Variants in ANGPTL7 observed in about 807,000 individuals in gnomAD.
ANGPTL7 encodes the protein angiopoietin like 7.
In ANGPTL7, 37 loss-of-function variants were observed where a neutral mutation model predicts 38.8. The observed-to-expected ratio is 0.95, with a 90% CI of 0.73 to 1.25. The LOEUF is 1.25. Ranked by LOEUF, ANGPTL7 falls within the 50% of genes most tolerant of loss-of-function variation. The pLI is 0.00. For synonymous variants in ANGPTL7, 166 were observed against 163.2 expected, an observed-to-expected ratio of 1.02 and a Z score of -0.13; for missense variants, 427 against 438.6, an observed-to-expected ratio of 0.97 and a Z score of 0.24.
Position 11,189,660 on chromosome 1 carries a change from G to A in ANGPTL7, c.81G>A (p.Gln27=), listed in dbSNP as rs934551451. 4 of 1,614,180 alleles carry A rather than the reference G, an allele frequency of 2.5e-6. No individual in the cohort carries two copies. The highest frequency in any genetic ancestry group is 3.4e-6 in the Non-Finnish European group (4 of 1,180,030). Residue 27 remains glutamine, a synonymous_variant, in exon 1 of 5, where the codon CAG becomes CAA. Coordinates refer to ENST00000376819, the MANE Select transcript of ANGPTL7 (RefSeq NM_021146.4). ...VAFVSHPAWL[Q]KLSKHKTPAQ... ...TTGTCAGCCACCCAGCGTGGCTGCA[G>A]AAGCTCTCTAAGCACAAGACACCAG... is the stretch of plus-strand genomic sequence containing the variant.
rs1249459669 is a variant in ANGPTL7 at position 11,194,601 on chromosome 1, C to T, written c.813C>T (p.Phe271=). The change falls in exon 4 of 5, where the codon TTC becomes TTT. Residue 271 remains phenylalanine, a synonymous_variant. Transcript: ENST00000376819. The part of the protein sequence containing the change: ...DALQYHNNTA[F]STKDKDNDNC... ...TCCAGTATCATAACAACACAGCCTT[C>T]AGCACCAAGGACAAGGACAATGACA... The T allele has an allele frequency of 1.2e-6, 2 of 1,614,232 alleles. No homozygotes were observed. Among genetic ancestry groups the T allele is most frequent in the South Asian group, 2.2e-5 (2 of 91,090 alleles).
In ANGPTL7 at chr1:11,193,683, G is replaced by T. The variant is rs1383838411; in HGVS notation, c.581G>T (p.Gly194Val). The change falls in exon 3 of 5, where the codon GGC becomes GTC. Residue 194 changes from glycine (G) to valine (V), a missense_variant. Gly to Val is a moderately radical substitution (Grantham distance 109). Coordinates refer to ENST00000376819, the MANE Select transcript of ANGPTL7 (RefSeq NM_021146.4). Reference protein sequence around the residue: ...FYRDWKQYKQGFGSIRGDFWL... With the variant: ...FYRDWKQYKQVFGSIRGDFWL... ...CGGGACTGGAAGCAGTACAAGCAGG[G>T]CTTTGGCAGCATCCGTGGGGACTTC... 6.2e-7 allele frequency: 1 copy of T among 1,614,152 alleles called. No individual in the cohort carries two copies. The highest frequency in any genetic ancestry group is 8.5e-7 in the Non-Finnish European group (1 of 1,180,018).
rs951996795 is a variant in ANGPTL7, at chr1:11,194,301, G to T, written c.673-160G>T. The stretch of plus-strand genomic sequence containing the variant: ...TCGAGCCTTGTTTTCTGATTCCCAG[G>T]TTAACACAGTAAACTGGAGGTAAAC... On this transcript the variant is annotated intron_variant, in intron 3 of 4. Transcript: ENST00000376819. 2.3e-4 allele frequency among the ~76,000 whole-genome samples: 35 copies of T among 152,182 alleles called. 1 individual carries two copies. The highest frequency in any genetic ancestry group is 2.0e-3 in the Admixed American group (30 of 15,270).
At chr1:11,194,356 T>C in intron 3 of ANGPTL7, 105 bp from the exon 4 acceptor site, 1 of 1,047,944 alleles carries the variant, frequency 9.5e-7, no homozygotes. Context: ...GATTCACACC[T>C]ATAAAAAGAT....
rs1050943948 is a variant in ANGPTL7, at chr1:11,189,497, G to A, written c.-83G>A. ...AGAGTGAAAGCGTAAGGTTCAGTCA[G>A]CCTGCTGCAGCTTTGCAGACCTCAG... On this transcript the variant is annotated 5_prime_UTR_variant, in exon 1 of 5. Coordinates refer to ENST00000376819, the MANE Select transcript of ANGPTL7 (RefSeq NM_021146.4). 2 of 1,473,074 alleles carry A rather than the reference G, an allele frequency of 1.4e-6. No individual in the cohort carries two copies. Among genetic ancestry groups the A allele is most frequent in the Non-Finnish European group, 1.8e-6 (2 of 1,101,746 alleles). 91.3% of individuals were successfully genotyped at this position (1,473,074 alleles called of 1,614,324 possible).
chr1:11,192,364 A>G lies in ANGPTL7; in HGVS notation c.471A>G (p.Glu157=). ...CTGATGACTTCCTGGGCAGCCCTGA[A>G]CTGGAGGTGAGGTCATTACAGTCAC... ...LPPDDFLGSP[E]LEVFCDMETS... Residue 157 remains glutamate, a synonymous_variant, in exon 2 of 5, where the codon GAA becomes GAG. Transcript: ENST00000376819. The G allele has an allele frequency of 6.2e-7, 1 of 1,611,064 alleles. No individual in the cohort carries two copies. Among genetic ancestry groups the G allele is most frequent in the Non-Finnish European group, 8.5e-7 (1 of 1,177,434 alleles).
At chr1:11,193,903 A>G (rs1029451036) in intron 3 of ANGPTL7, 129 bp downstream of exon 3, 14 of 1,049,120 alleles carry the variant, frequency 1.3e-5, no homozygotes, top group Admixed American at 1.3e-4. Context: ...GTTTTCCTGC[A>G]AGTTGTAATG....
rs1645734042 is a variant in ANGPTL7 at position 11,195,096 on chromosome 1, G to T, written c.*73G>T. On this transcript the variant is annotated 3_prime_UTR_variant, in exon 5 of 5. Transcript: ENST00000376819. ...ACTGGATGAGGGCAGATGAGGACAG[G>T]AAGAGAGTGTTAGAAAGGGTAGGAC... The T allele has an allele frequency of 6.7e-7, 1 of 1,498,062 alleles. No homozygotes were observed. The highest frequency in any genetic ancestry group is 1.2e-5 in the South Asian group (1 of 82,616). The allele number at this position is 1,498,062 out of a possible 1,614,324, so 92.8% of individuals were successfully genotyped here. A position where few individuals can be genotyped will look rare whatever the true frequency, so the allele number is the denominator to read the frequency against.
At position 11,195,589 on chromosome 1, in the gene ANGPTL7, G is replaced by C. The variant is rs532647913; in HGVS notation, c.*566G>C. ...GTTCGGCTGGAACTGACCCAGGCTG[G>C]ACTTGCGGGGAGGAAACTCCAGGGC... On this transcript the variant is annotated 3_prime_UTR_variant, in exon 5 of 5. Coordinates refer to ENST00000376819, the MANE Select transcript of ANGPTL7 (RefSeq NM_021146.4). The C allele has an allele frequency of 9.7e-5, 15 of 154,556 alleles. 1 individual carries two copies. The highest frequency in any genetic ancestry group is 3.6e-4 in the African/African-American group (15 of 41,542). 9.6% of individuals were successfully genotyped at this position (154,556 alleles called of 1,614,324 possible). A position where few individuals can be genotyped will look rare whatever the true frequency, so the allele number is the denominator to read the frequency against.
In ANGPTL7 at chr1:11,195,224, A is replaced by T. The variant is rs887580801; in HGVS notation, c.*201A>T. 1 of 605,876 alleles carries T rather than the reference A, an allele frequency of 1.7e-6. No homozygotes were observed. Among genetic ancestry groups the T allele is most frequent in the Non-Finnish European group, 2.8e-6 (1 of 357,302 alleles). The allele number at this position is 605,876 out of a possible 1,614,324, so 37.5% of individuals were successfully genotyped here. A position where few individuals can be genotyped will look rare whatever the true frequency, so the allele number is the denominator to read the frequency against. On this transcript the variant is annotated 3_prime_UTR_variant, in exon 5 of 5. Coordinates refer to ENST00000376819, the MANE Select transcript of ANGPTL7 (RefSeq NM_021146.4). ...ACAGTAAACAGGATGAACTATTTAAACCCACTGGGTCCTGCCACATCCTTC... is the reference window on the plus strand; with the variant it reads ...ACAGTAAACAGGATGAACTATTTAATCCCACTGGGTCCTGCCACATCCTTC...
At position 11,193,767 on chromosome 1, in the gene ANGPTL7, A is replaced by C; in HGVS notation, c.665A>C (p.Glu222Ala). The C allele has an allele frequency of 6.2e-7, 1 of 1,614,118 alleles. No individual in the cohort carries two copies. The highest frequency in any genetic ancestry group is 1.1e-5 in the South Asian group (1 of 91,078). The change falls in exon 3 of 5, where the codon GAG becomes GCG. Residue 222 changes from glutamate (E) to alanine (A), a missense_variant. Coordinates refer to ENST00000376819, the MANE Select transcript of ANGPTL7 (RefSeq NM_021146.4). The stretch of plus-strand genomic sequence containing the variant: ...AGACAGCCAACCCGGCTGCGTGTAG[A>C]GATGGAGGTAAGCACAAGGCCAGGG... ...LSRQPTRLRV[E>A]MEDWEGNLRY...
rs758209697 is a variant in ANGPTL7 at position 11,195,044 on chromosome 1, C to A, written c.*21C>A. On this transcript the variant is annotated 3_prime_UTR_variant, in exon 5 of 5. Coordinates refer to ENST00000376819, the MANE Select transcript of ANGPTL7 (RefSeq NM_021146.4). ...CTTAAAAGGAGGCTGCCGTGGAGCACGGATACAGAAACTGAGACACGTGGA... is the reference window on the plus strand; with the variant it reads ...CTTAAAAGGAGGCTGCCGTGGAGCAAGGATACAGAAACTGAGACACGTGGA... 1 of 1,610,694 alleles carries A rather than the reference C, an allele frequency of 6.2e-7. No individual in the cohort carries two copies. The highest frequency in any genetic ancestry group is 1.1e-5 in the South Asian group (1 of 90,726).
chr1:11,195,624 G>A lies in ANGPTL7; in HGVS notation c.*601G>A, dbSNP rs1171689241. ...GAGGAAACTCCAGGGCACTGCATCT[G>A]GCGATCAGACTCTGAGCACTGCCCC... On this transcript the variant is annotated 3_prime_UTR_variant, in exon 5 of 5. Transcript: ENST00000376819. 2 of 154,000 alleles carry A rather than the reference G, an allele frequency of 1.3e-5. No homozygotes were observed. The highest frequency in any genetic ancestry group is 2.9e-5 in the Non-Finnish European group (2 of 69,082). The allele number at this position is 154,000 out of a possible 1,614,324, so 9.5% of individuals were successfully genotyped here.
chr1:11,190,017 C>T (rs1557822901), intron 1 of ANGPTL7, 62 bp downstream of exon 1: 2 of 1,535,118 alleles, frequency 1.3e-6, no homozygotes, highest in Non-Finnish European at 1.7e-6. Context: ...ACTGCTTCTA[C>T]ATATCCTGGT....
chr1:11,193,664 T>C lies in ANGPTL7; in HGVS notation c.562T>C (p.Trp188Arg), dbSNP rs755991132. 2.5e-6 allele frequency: 4 copies of C among 1,614,118 alleles called. No homozygotes were observed. In the East Asian group the frequency reaches 6.7e-5, roughly 27 times the overall value. The change falls in exon 3 of 5, where the codon TGG (tryptophan) becomes CGG (arginine). Residue 188 changes from tryptophan (W) to arginine (R), a missense_variant. Transcript: ENST00000376819. ...KSGLVSFYRD[W>R]KQYKQGFGSI... ...TGGCCTTGTCTCCTTCTACCGGGAC[T>C]GGAAGCAGTACAAGCAGGGCTTTGG...
chr1:11,194,034 T>G (rs1479188860), intron 3 of ANGPTL7, among the ~76,000 whole-genome samples: 9 of 152,070 alleles, frequency 5.9e-5, no homozygotes, highest in Non-Finnish European at 2.9e-5. Context: ...AATTCAACAG[T>G]CAGCTGTGCC....
At chr1:11,193,382 C>T (rs1430548389) in intron 2 of ANGPTL7, among the ~76,000 whole-genome samples, 198 bp from the exon 3 acceptor site, 2 of 152,104 alleles carry the variant, frequency 1.3e-5, no homozygotes, top group Non-Finnish European at 2.9e-5. Context: ...CAATTTGCAT[C>T]GTTCTTCCAG....
Position 11,194,683 on chromosome 1 carries a change from G to A in ANGPTL7, c.871+24G>A, listed in dbSNP as rs200767191. ...AGGTGAGATTTGGGGGGACCGGAAA[G>A]GAGAAGTTCAGGTACAAGCTCATAA... On this transcript the variant is annotated intron_variant, in intron 4 of 4. Coordinates refer to ENST00000376819, the MANE Select transcript of ANGPTL7 (RefSeq NM_021146.4). 2,100 of 1,613,928 alleles carry A rather than the reference G, an allele frequency of 1.3e-3. 12 individuals are homozygous for A. Among genetic ancestry groups the A allele is most frequent in the Non-Finnish European group, 1.2e-3 (1,463 of 1,179,884 alleles).
intron 3 of ANGPTL7, 116 bp downstream of exon 3, chr1:11,193,890 A>C: frequency 9.0e-7 from 1 of 1,108,582 alleles, no homozygotes; most frequent in Admixed American, 2.6e-5. Context: ...ATTCATTGTG[A>C]TGGTTTTCCT....
Sources: gnomAD v4.1 joint callset for allele counts (sites outside exome capture counted in the v4.1 genomes callset) on GRCh38, gnomAD v4.1.1 for gene constraint, MANE v1.5 for transcripts, NCBI Gene and HGNC (gene_info 2026-07-23, HGNC 2026-07-21) for gene names.